COL14A1: variants seen among roughly 807,000 people sequenced by gnomAD.
COL14A1 encodes the protein collagen type XIV alpha 1 chain.
In COL14A1, 136 loss-of-function variants were observed where a neutral mutation model predicts 230.3. That is an observed-to-expected ratio of 0.59 (90% CI 0.51 to 0.68). The LOEUF (loss-of-function observed/expected upper bound fraction) is 0.68, where lower values mean the gene tolerates loss of function less well. Among genes scored for constraint, COL14A1 ranks in the 30% least tolerant of loss-of-function variants. COL14A1 has a pLI of 0.00. For missense variants in COL14A1, 1,976 were observed against 2,215.8 expected, an observed-to-expected ratio of 0.89 and a Z score of 2.17; for synonymous variants, 792 against 784.1, an observed-to-expected ratio of 1.01 and a Z score of -0.17.
chr8:120,275,886 T>C (rs1296706025), intron 26 of COL14A1, among the ~76,000 whole-genome samples: 1 of 152,006 alleles, frequency 6.6e-6, no homozygotes. Flanking sequence ...CTGGTGGGCA[T>C]GTAATTTAGT....
At chr8:120,190,394 C>T (rs1207084163) in intron 5 of COL14A1, among the ~76,000 whole-genome samples, 1 of 152,158 alleles carries the variant, frequency 6.6e-6, no homozygotes, top group East Asian at 1.9e-4. Flanking sequence ...AGCCCTTTGT[C>T]AGATGAGTAG....
chr8:120,357,567 G>A (rs1422131938), intron 45 of COL14A1, among the ~76,000 whole-genome samples: 1 of 152,122 alleles, frequency 6.6e-6, no homozygotes, highest in Non-Finnish European at 1.5e-5. Flanking sequence ...TGTACACTTT[G>A]GAGGGAGGCA....
intron 11 of COL14A1, among the ~76,000 whole-genome samples, chr8:120,208,959 T>G (rs929416583): frequency 1.3e-5 from 2 of 152,156 alleles, no homozygotes; most frequent in Admixed American, 6.5e-5. Context: ...TCCTATTACA[T>G]GCAAGTCACT....
Position 120,212,460 on chromosome 8 carries a change from G to A in COL14A1, c.1480G>A (p.Glu494Lys). The A allele has an allele frequency of 1.2e-6, 2 of 1,613,202 alleles. No homozygotes were observed. Among genetic ancestry groups the A allele is most frequent in the Non-Finnish European group, 1.7e-6 (2 of 1,179,408 alleles). Residue 494 changes from glutamate (E) to lysine (K), a missense_variant, in exon 13 of 48, where the codon GAG becomes AAG. Around this residue, in one of 3 missense-constraint regions of COL14A1, gnomAD observed 1,791 missense variants for 2,019.5 expected, o/e 0.89. Coordinates refer to ENST00000297848, the MANE Select transcript of COL14A1 (RefSeq NM_021110.4). ...GTGTTCTTTTCAGATGAAAATTGGA[G>A]AGACCCACACAGATATTGAATTGAG... The part of the protein sequence containing the change: ...AGDEKEMKIG[E>K]THTDIELSGL...
chr8:120,242,999 G>A (rs1219491051), intron 19 of COL14A1, among the ~76,000 whole-genome samples: 4 of 152,140 alleles, frequency 2.6e-5, no homozygotes, highest in East Asian at 1.9e-4. Context: ...CCTTAAACCC[G>A]TTTGAGTCAG....
intron 33 of COL14A1, among the ~76,000 whole-genome samples, chr8:120,288,846 C>T (rs764905232): frequency 1.3e-5 from 2 of 152,120 alleles, no homozygotes. Context: ...CTGTAGTACT[C>T]GTGAGGTTAA....
intron 26 of COL14A1, among the ~76,000 whole-genome samples, chr8:120,274,749 CA>C (rs548447192): frequency 2.7e-5 from 4 of 150,780 alleles, no homozygotes; most frequent in East Asian, 1.9e-4. Flanking sequence ...ACAATAGCTG[CA>C]AAAAAAATAG....
intron 17 of COL14A1, among the ~76,000 whole-genome samples, chr8:120,228,137 G>A (rs1017268355): frequency 3.3e-5 from 5 of 152,090 alleles, no homozygotes; most frequent in African/African-American, 9.7e-5. Context: ...CCCTGACAGA[G>A]GCCATGAACT....
At chr8:120,165,349 T>G (rs1815829408) in intron 4 of COL14A1, among the ~76,000 whole-genome samples, 1 of 152,206 alleles carries the variant, frequency 6.6e-6, no homozygotes, top group African/African-American at 2.4e-5. Flanking sequence ...GAGTTCATAT[T>G]TTGATACACA....
intron 45 of COL14A1, among the ~76,000 whole-genome samples, 164 bp downstream of exon 45, chr8:120,345,727 A>C (rs1021773895): frequency 2.6e-5 from 4 of 152,228 alleles, no homozygotes; most frequent in African/African-American, 9.6e-5. Context: ...TGAGATTGAG[A>C]AAATTGAGCA....
chr8:120,185,970 C>A (rs1246902082), intron 5 of COL14A1, among the ~76,000 whole-genome samples: 2 of 152,060 alleles, frequency 1.3e-5, no homozygotes, highest in Non-Finnish European at 2.9e-5. Flanking sequence ...AATGGGGTTT[C>A]ACCATTTGGC....
At chr8:120,341,270 C>A (rs1399244930) in intron 42 of COL14A1, 55 bp from the exon 43 acceptor site, 1 of 1,535,398 alleles carries the variant, frequency 6.5e-7, no homozygotes, top group South Asian at 1.1e-5. Flanking sequence ...GCATGATTAT[C>A]ACTCTTAGCT....
chr8:120,133,230 T>TAAA (rs201816439), intron 1 of COL14A1, among the ~76,000 whole-genome samples: 29 of 115,166 alleles, frequency 2.5e-4, no homozygotes, highest in Middle Eastern at 4.7e-3. Context: ...AAAAAAAAAA[T>TAAA]AAAAAAAAAA....
intron 40 of COL14A1, among the ~76,000 whole-genome samples, chr8:120,320,286 C>A (rs1213541959): frequency 6.6e-6 from 1 of 152,134 alleles, no homozygotes. Flanking sequence ...CTTAACAAGC[C>A]TGGACATTTA....
intron 22 of COL14A1, among the ~76,000 whole-genome samples, chr8:120,253,537 A>C (rs1819043267): frequency 1.3e-5 from 2 of 152,220 alleles, no homozygotes. Context: ...TCTCCCAAGC[A>C]AAAGAAAATC....
intron 34 of COL14A1, among the ~76,000 whole-genome samples, chr8:120,294,002 G>A (rs1016542165): frequency 6.6e-6 from 1 of 151,742 alleles, no homozygotes; most frequent in Admixed American, 6.6e-5. Flanking sequence ...TTTTGTGATG[G>A]CGTCAATAAA....
chr8:120,327,471 G>C lies in COL14A1; in HGVS notation c.4660-4670G>C, dbSNP rs1038727829. Among the ~76,000 whole-genome samples, 19 of 152,272 alleles carry C rather than the reference G, an allele frequency of 1.2e-4. No homozygotes were observed. The East Asian group carries it at 3.7e-3, about 29-fold the overall frequency. ...ACCCTGCTTCCTTCACTGCCTTACAGGTTTCTTCCAAGAACCCTCCTGCAA... is the reference window on the plus strand; with the variant it reads ...ACCCTGCTTCCTTCACTGCCTTACACGTTTCTTCCAAGAACCCTCCTGCAA... On this transcript the variant is annotated intron_variant, in intron 40 of 47. Coordinates refer to ENST00000297848, the MANE Select transcript of COL14A1 (RefSeq NM_021110.4).
At chr8:120,293,567 T>C (rs1820436093) in intron 34 of COL14A1, among the ~76,000 whole-genome samples, 1 of 151,818 alleles carries the variant, frequency 6.6e-6, no homozygotes, top group Non-Finnish European at 1.5e-5. Context: ...TTTAAGAAGC[T>C]AGGGTCAGGT....
intron 35 of COL14A1, among the ~76,000 whole-genome samples, chr8:120,298,402 A>T (rs1305805507): frequency 6.6e-6 from 1 of 151,384 alleles, no homozygotes; most frequent in Non-Finnish European, 1.5e-5. Context: ...TACATAACCT[A>T]TATGTGATGC....
Sources: allele counts gnomAD v4.1 joint callset (sites outside exome capture counted in the v4.1 genomes callset), GRCh38; gene constraint gnomAD v4.1.1; regional missense constraint gnomAD v4.1.1; transcripts MANE v1.5; gene names NCBI Gene and HGNC (gene_info 2026-07-23, HGNC 2026-07-21).